ANO10: variants seen among roughly 807,000 people sequenced by gnomAD.
ANO10 encodes the protein anoctamin 10.
In ANO10, 77 loss-of-function variants were observed where a neutral mutation model predicts 74.7. The ratio of observed to expected loss-of-function variants is 1.03; its 90% CI spans 0.86 to 1.25. The LOEUF (loss-of-function observed/expected upper bound fraction) is 1.25, where lower values mean the gene tolerates loss of function less well. Among genes scored for constraint, ANO10 ranks in the 50% most tolerant of loss-of-function variants. ANO10 has a pLI of 0.00. For synonymous variants in ANO10, 279 were observed against 284.9 expected (o/e 0.98, Z 0.21); for missense variants, 721 against 778.1 (o/e 0.93, Z 0.87).
intron 4 of ANO10, among the ~76,000 whole-genome samples, chr3:43,586,126 C>CT (rs2081471422): frequency 6.6e-6 from 1 of 152,200 alleles, no homozygotes; most frequent in South Asian, 2.1e-4. Flanking sequence ...CCACAGTCCC[C>CT]TTGCTCAGAA....
chr3:43,510,660 A>T (rs2077476326), intron 11 of ANO10, among the ~76,000 whole-genome samples: 1 of 152,164 alleles, frequency 6.6e-6, no homozygotes, highest in Non-Finnish European at 1.5e-5. Flanking sequence ...CTCAATAAAC[A>T]TTTAAATTTT....
At chr3:43,568,789 A>G (rs2080521408) in intron 7 of ANO10, among the ~76,000 whole-genome samples, 1 of 144,784 alleles carries the variant, frequency 6.9e-6, no homozygotes, top group Non-Finnish European at 1.5e-5. Context: ...GAAAAGCAAG[A>G]GCAAACACAT....
intron 4 of ANO10, among the ~76,000 whole-genome samples, chr3:43,595,715 C>G (rs1300550982): frequency 6.6e-6 from 1 of 152,112 alleles, no homozygotes; most frequent in Non-Finnish European, 1.5e-5. Context: ...AGAGGAATGC[C>G]CTCTCTCACT....
Position 43,458,591 on chromosome 3 carries a change from T to C in ANO10, c.1798-25864A>G, listed in dbSNP as rs1028167093. On this transcript the variant is annotated intron_variant, in intron 11 of 12. Coordinates refer to ENST00000292246, the MANE Select transcript of ANO10 (RefSeq NM_018075.5). ...CTATTAACATCAAATGAAGACACCA[T>C]AGACAAGAAATGCAGAGAGCTTTCA... Among the ~76,000 whole-genome samples, 9 of 152,310 alleles carry C rather than the reference T, an allele frequency of 5.9e-5. No homozygotes were observed. In the East Asian group the frequency reaches 1.7e-3, roughly 29 times the overall value.
intron 1 of ANO10, among the ~76,000 whole-genome samples, chr3:43,687,268 C>T (rs563615541): frequency 6.6e-6 from 1 of 152,250 alleles, no homozygotes; most frequent in East Asian, 1.9e-4. Flanking sequence ...TCTACCAAAA[C>T]CAAAAAATAT....
At chr3:43,386,379 A>T (rs1046286110) in intron 12 of ANO10, among the ~76,000 whole-genome samples, 21 of 128,912 alleles carry the variant, frequency 1.6e-4, no homozygotes, top group African/African-American at 5.3e-4. Flanking sequence ...AGAGGAAGAA[A>T]GGAGGAAAGG....
intron 12 of ANO10, among the ~76,000 whole-genome samples, chr3:43,393,516 G>A (rs1296189382): frequency 2.0e-5 from 3 of 151,930 alleles, no homozygotes; most frequent in East Asian, 1.9e-4. Flanking sequence ...ATACACGTAC[G>A]CTCAAGCCCC....
intron 12 of ANO10, among the ~76,000 whole-genome samples, chr3:43,412,780 G>A (rs983597769): frequency 4.6e-5 from 7 of 152,206 alleles, no homozygotes; most frequent in East Asian, 3.8e-4. Context: ...GCTGGGCACC[G>A]TGGCTCACGC....
chr3:43,645,974 A>T (rs1414629528), intron 1 of ANO10, among the ~76,000 whole-genome samples: 1 of 151,798 alleles, frequency 6.6e-6, no homozygotes, highest in Non-Finnish European at 1.5e-5. Context: ...CACCTGGCTA[A>T]TTTTTTGTAT....
At chr3:43,548,196 CA>C (rs2079288601) in intron 11 of ANO10, among the ~76,000 whole-genome samples, 2 of 152,130 alleles carry the variant, frequency 1.3e-5, no homozygotes, top group East Asian at 3.9e-4. Flanking sequence ...CAGTCAGTCC[CA>C]AAAGCCTTTA....
chr3:43,391,500 G>T (rs1302090237), intron 12 of ANO10, among the ~76,000 whole-genome samples: 1 of 152,202 alleles, frequency 6.6e-6, no homozygotes, highest in Admixed American at 6.5e-5. Flanking sequence ...AAGGATCCCT[G>T]TGCCTCCTGG....
intron 11 of ANO10, among the ~76,000 whole-genome samples, chr3:43,511,221 T>C (rs1306526815): frequency 1.3e-5 from 2 of 152,228 alleles, no homozygotes; most frequent in Non-Finnish European, 2.9e-5. Context: ...ACCTAATTTA[T>C]TTATACATTA....
At chr3:43,567,253 CA>C (rs2080414626) in intron 7 of ANO10, among the ~76,000 whole-genome samples, 1 of 152,002 alleles carries the variant, frequency 6.6e-6, no homozygotes, top group South Asian at 2.1e-4. Flanking sequence ...AGTTGGAAAA[CA>C]CTCTGCAGGA....
At chr3:43,545,146 TA>T (rs1343810983) in intron 11 of ANO10, among the ~76,000 whole-genome samples, 14 of 152,176 alleles carry the variant, frequency 9.2e-5, no homozygotes, top group African/African-American at 3.1e-4. Context: ...TCTGCTCTTA[TA>T]GGGGCCATGA....
At chr3:43,445,254 G>A (rs1463588272) in intron 11 of ANO10, among the ~76,000 whole-genome samples, 2 of 151,356 alleles carry the variant, frequency 1.3e-5, no homozygotes, top group East Asian at 3.9e-4. Context: ...AAATATACAA[G>A]ATGAGTCTTA....
intron 10 of ANO10, among the ~76,000 whole-genome samples, chr3:43,554,378 A>C (rs546626067): frequency 6.6e-6 from 1 of 151,812 alleles, no homozygotes; most frequent in East Asian, 1.9e-4. Flanking sequence ...TTTTTAGTAG[A>C]GATGGGGTTT....
At chr3:43,551,935 G>A (rs149069160) in intron 10 of ANO10, among the ~76,000 whole-genome samples, 45 of 152,250 alleles carry the variant, frequency 3.0e-4, no homozygotes, top group East Asian at 2.1e-3. Context: ...TGTAGTTATT[G>A]ATATGTTAGG....
intron 8 of ANO10, among the ~76,000 whole-genome samples, chr3:43,564,392 A>G (rs1167109485): frequency 6.6e-6 from 1 of 151,870 alleles, no homozygotes; most frequent in Non-Finnish European, 1.5e-5. Flanking sequence ...AAAATGTACA[A>G]CTATGTATGT....
Position 43,391,575 on chromosome 3 carries a change from C to T in ANO10, c.1915-24601G>A, listed in dbSNP as rs577268370. Among the ~76,000 whole-genome samples, 3 of 152,316 alleles carry T rather than the reference C, an allele frequency of 2.0e-5. No homozygotes were observed. The South Asian group carries it at 6.2e-4, about 32-fold the overall frequency. On this transcript the variant is annotated intron_variant, in intron 12 of 12. Transcript: ENST00000292246. ...ATTGCACCTAGTGACTCATTTCTAA[C>T]CAACAGAATACAGTAAAAGCGACAG...
Sources: allele counts gnomAD v4.1 joint callset (sites outside exome capture counted in the v4.1 genomes callset), GRCh38; gene constraint gnomAD v4.1.1; transcripts MANE v1.5; gene names NCBI Gene and HGNC (gene_info 2026-07-23, HGNC 2026-07-21).